RIC1: variants seen among roughly 807,000 people sequenced by gnomAD.
RIC1 encodes the protein RIC1 partner of RAB6A GEF complex, also known as guanine nucleotide exchange factor subunit RIC1.
RIC1 carries 88 observed loss-of-function variants against 169.0 expected under a neutral mutation model. The ratio of observed to expected loss-of-function variants is 0.52; its 90% CI spans 0.44 to 0.62. The LOEUF (loss-of-function observed/expected upper bound fraction) is 0.62, where lower values mean the gene tolerates loss of function less well. RIC1 is among the 20% of genes least tolerant of loss of function. RIC1 has a pLI of 0.00. For synonymous variants in RIC1, 790 were observed against 601.5 expected (o/e 1.31, Z -4.59); for missense variants, 1,877 against 1,725.5 (o/e 1.09, Z -1.56).
intron 3 of RIC1, among the ~76,000 whole-genome samples, chr9:5,710,908 A>C (rs1344924401): frequency 1.3e-5 from 2 of 152,154 alleles, no homozygotes; most frequent in Non-Finnish European, 2.9e-5. Flanking sequence ...GAGAAAAGAG[A>C]AAATTAGAGT....
At chr9:5,712,356 TA>T (rs1171003194) in intron 3 of RIC1, among the ~76,000 whole-genome samples, 2 of 152,190 alleles carry the variant, frequency 1.3e-5, no homozygotes, top group South Asian at 4.1e-4. Flanking sequence ...ATGTGTCTGT[TA>T]AAGAGCTTCT....
rs1586717940 is a variant in RIC1 at position 5,765,760 on chromosome 9, G to A, written c.3099G>A (p.Gln1033=). Residue 1033 remains glutamine (Q), a synonymous_variant, in exon 21 of 26, where the codon CAG becomes CAA. Coordinates refer to ENST00000414202, the MANE Select transcript of RIC1 (RefSeq NM_020829.4). ...ENVPASKFSL[Q]KTLSMPSGPS... ...TTCCTGCCAGTAAATTCAGTTTACA[G>A]AAAACACTAAGTATGCCATCTGGTC... 15 of 1,614,048 alleles carry A rather than the reference G, an allele frequency of 9.3e-6. No homozygotes were observed. Among genetic ancestry groups the A allele is most frequent in the Non-Finnish European group, 1.2e-5 (14 of 1,180,002 alleles).
chr9:5,632,652 G>C (rs1021950320), intron 1 of RIC1, among the ~76,000 whole-genome samples: 1 of 152,122 alleles, frequency 6.6e-6, no homozygotes, highest in African/African-American at 2.4e-5. Context: ...TTGACTGGGG[G>C]CAGTTGGTAC....
intron 2 of RIC1, among the ~76,000 whole-genome samples, chr9:5,682,421 T>G (rs1216508515): frequency 6.6e-6 from 1 of 152,222 alleles, no homozygotes; most frequent in Admixed American, 6.5e-5. Flanking sequence ...CTTATGAAGC[T>G]TAGTTTGGCT....
chr9:5,649,838 G>A (rs1407250711), intron 1 of RIC1, among the ~76,000 whole-genome samples: 1 of 151,936 alleles, frequency 6.6e-6, no homozygotes, highest in African/African-American at 2.4e-5. Flanking sequence ...CTTTCAGAGA[G>A]GTAGACTTTT....
chr9:5,747,760 T>C (rs189894133), intron 12 of RIC1, among the ~76,000 whole-genome samples: 115 of 151,832 alleles, frequency 7.6e-4, no homozygotes, highest in African/African-American at 2.7e-3. Context: ...ATGTTTTGCC[T>C]TCTCATTGAG....
At chr9:5,748,486 A>C (rs1463728206) in intron 12 of RIC1, 1 of 152,672 alleles carries the variant, frequency 6.5e-6, no homozygotes, top group Non-Finnish European at 1.5e-5. Flanking sequence ...AGAATCAAAC[A>C]ATGTACATAC....
At chr9:5,733,870 G>A (rs1270471660) in intron 7 of RIC1, among the ~76,000 whole-genome samples, 1 of 151,420 alleles carries the variant, frequency 6.6e-6, no homozygotes, top group East Asian at 1.9e-4. Context: ...GTCTCATAAA[G>A]CAAGTTATGA....
At chr9:5,719,699 A>T (rs1009640980) in intron 4 of RIC1, among the ~76,000 whole-genome samples, 6 of 152,234 alleles carry the variant, frequency 3.9e-5, no homozygotes, top group Admixed American at 1.3e-4. Context: ...TTTCAAGTGT[A>T]TAGTCACCAC....
At chr9:5,679,640 TTGTC>T (rs1215820617) in intron 2 of RIC1, among the ~76,000 whole-genome samples, 1 of 152,174 alleles carries the variant, frequency 6.6e-6, no homozygotes, top group Admixed American at 6.5e-5. Context: ...GGCTCTGTGT[TTGTC>T]TGTTATTGGT....
chr9:5,647,212 G>C (rs1240257809), intron 1 of RIC1, among the ~76,000 whole-genome samples: 1 of 152,124 alleles, frequency 6.6e-6, no homozygotes, highest in Admixed American at 6.5e-5. Context: ...TTTGATTGCT[G>C]TAGTCTTCTA....
intron 14 of RIC1, 67 bp from the exon 15 acceptor site, chr9:5,754,774 A>C (rs539150222): frequency 1.1e-6 from 1 of 923,484 alleles, no homozygotes; most frequent in Non-Finnish European, 1.6e-6. Context: ...GAATTTTTAT[A>C]AATATATTAC....
At chr9:5,695,171 A>G (rs946107898) in intron 3 of RIC1, among the ~76,000 whole-genome samples, 4 of 152,222 alleles carry the variant, frequency 2.6e-5, no homozygotes, top group Non-Finnish European at 5.9e-5. Flanking sequence ...ATGAGGTAAC[A>G]AAACATATAT....
At chr9:5,675,949 A>G (rs780622726) in intron 2 of RIC1, among the ~76,000 whole-genome samples, 7 of 152,232 alleles carry the variant, frequency 4.6e-5, no homozygotes, top group Non-Finnish European at 8.8e-5. Context: ...TATGACAGTA[A>G]AAGAAATCTA....
chr9:5,670,862 G>T (rs2130563389), intron 2 of RIC1, among the ~76,000 whole-genome samples: 1 of 152,282 alleles, frequency 6.6e-6, no homozygotes, highest in East Asian at 1.9e-4. Flanking sequence ...TGGTGGGGCA[G>T]GGAATGGGTG....
intron 2 of RIC1, among the ~76,000 whole-genome samples, chr9:5,677,355 C>A (rs1042442123): frequency 3.9e-5 from 6 of 151,988 alleles, no homozygotes; most frequent in Middle Eastern, 3.2e-3. Context: ...AAATCTTTTG[C>A]CCATTTTTTT....
rs772023940 is a variant in RIC1 at position 5,773,041 on chromosome 9, CAG to C, written c.3945_3946del (p.Gly1316AlafsTer16). ...GGAGAGATGTTACAGAACATAAAGA[CAG>C]GGCTCCATGCAGTGGACCGATGGGC... On this transcript the variant is annotated frameshift_variant, in exon 25 of 26. Transcript: ENST00000414202. LOFTEE classifies it high-confidence loss of function. 1 of 1,613,374 alleles carries C rather than the reference CAG, an allele frequency of 6.2e-7. No individual in the cohort carries two copies.
chr9:5,681,583 T>A (rs1488653524), intron 2 of RIC1, among the ~76,000 whole-genome samples: 1 of 152,234 alleles, frequency 6.6e-6, no homozygotes, highest in Non-Finnish European at 1.5e-5. Context: ...AATTTTGGAA[T>A]AGGTGTGGTG....
At chr9:5,653,485 G>C (rs1366534615) in intron 1 of RIC1, among the ~76,000 whole-genome samples, 1 of 152,222 alleles carries the variant, frequency 6.6e-6, no homozygotes, top group Non-Finnish European at 1.5e-5. Flanking sequence ...ATTTGATTGA[G>C]ATTGTATTAA....
Sources: allele counts gnomAD v4.1 joint callset (sites outside exome capture counted in the v4.1 genomes callset), GRCh38; gene constraint gnomAD v4.1.1; transcripts MANE v1.5; gene names NCBI Gene and HGNC (gene_info 2026-07-23, HGNC 2026-07-21).